Variants in PIGF observed in about 807,000 individuals in gnomAD.
The protein encoded by PIGF is phosphatidylinositol glycan anchor biosynthesis class F.
PIGF carries 23 observed loss-of-function variants against 26.0 expected under a neutral mutation model. The ratio of observed to expected loss-of-function variants is 0.88; its 90% CI spans 0.64 to 1.25. The LOEUF (loss-of-function observed/expected upper bound fraction) is 1.25, where lower values mean the gene tolerates loss of function less well. Among genes scored for constraint, PIGF ranks in the 50% most tolerant of loss-of-function variants. The pLI is 0.00. For missense variants in PIGF, 278 were observed against 249.9 expected (o/e 1.11, Z -0.76); for synonymous variants, 93 against 92.6 (o/e 1.00, Z -0.03).
At chr2:46,613,416 T>C (rs1218769324) in intron 3 of PIGF, among the ~76,000 whole-genome samples, 1 of 152,190 alleles carries the variant, frequency 6.6e-6, no homozygotes, top group East Asian at 1.9e-4. Flanking sequence ...TCAGAGGTTC[T>C]AAGGGCCAAA....
In PIGF at chr2:46,610,131, T is replaced by C. The variant is rs188287513; in HGVS notation, c.437+2097A>G. 7.9e-5 allele frequency among the ~76,000 whole-genome samples: 12 copies of C among 152,336 alleles called. No individual in the cohort carries two copies. In the South Asian group the frequency reaches 1.4e-3, roughly 18 times the overall value. ...ATTAAGTTCCCATCTTCTCTCTACA[T>C]GTCACTGATGAATTGTTTTAGTGTT... is the stretch of plus-strand genomic sequence containing the variant. On this transcript the variant is annotated intron_variant, in intron 4 of 5. Transcript: ENST00000281382.
At chr2:46,587,714 T>C (rs111616732) in intron 5 of PIGF, among the ~76,000 whole-genome samples, 5 of 152,196 alleles carry the variant, frequency 3.3e-5, no homozygotes, top group African/African-American at 1.2e-4. Flanking sequence ...TTTAAAGGCA[T>C]GTGTGGATTT....
intron 4 of PIGF, among the ~76,000 whole-genome samples, chr2:46,606,104 T>C (rs767196054): frequency 6.6e-6 from 1 of 152,166 alleles, no homozygotes; most frequent in Non-Finnish European, 1.5e-5. Flanking sequence ...CTACTTTCCA[T>C]AAGCAAGAAG....
intron 3 of PIGF, 61 bp downstream of exon 3, chr2:46,613,633 C>A: frequency 7.9e-7 from 1 of 1,258,508 alleles, no homozygotes; most frequent in Non-Finnish European, 1.1e-6. Flanking sequence ...TAAGAATTAG[C>A]ACACAGTTTG....
intron 4 of PIGF, among the ~76,000 whole-genome samples, chr2:46,610,293 T>A (rs1325987645): frequency 6.6e-6 from 1 of 152,106 alleles, no homozygotes; most frequent in African/African-American, 2.4e-5. Flanking sequence ...TTCCCCCAAA[T>A]ACACCCATTA....
At chr2:46,603,170 C>G (rs982526996) in intron 4 of PIGF, among the ~76,000 whole-genome samples, 19 of 151,850 alleles carry the variant, frequency 1.3e-4, no homozygotes, top group Non-Finnish European at 4.4e-5. Flanking sequence ...TGAAATATAT[C>G]TACAATGAAA....
intron 1 of PIGF, chr2:46,616,050 C>A (rs540885741): frequency 2.3e-5 from 1 of 43,300 alleles, no homozygotes; most frequent in East Asian, 2.7e-4. Context: ...CACACGCACA[C>A]GCGCGCGCGC....
At chr2:46,585,521 T>C (rs1558698782) in intron 5 of PIGF, among the ~76,000 whole-genome samples, 5 of 152,180 alleles carry the variant, frequency 3.3e-5, no homozygotes, top group Admixed American at 1.3e-4. Context: ...GGGACAGAAG[T>C]ACCTACTATA....
chr2:46,586,906 A>G (rs1669594061), intron 5 of PIGF, among the ~76,000 whole-genome samples: 1 of 152,248 alleles, frequency 6.6e-6, no homozygotes, highest in Admixed American at 6.5e-5. Context: ...GACTAAGAAT[A>G]CTACTTTAGG....
chr2:46,613,573 G>A (rs1402580376), intron 3 of PIGF, 121 bp downstream of exon 3: 1 of 646,724 alleles, frequency 1.5e-6, no homozygotes, highest in African/African-American at 1.9e-5. Flanking sequence ...TGATGTTGGT[G>A]TCCTTACTTG....
chr2:46,599,356 T>G (rs770638313), intron 4 of PIGF, among the ~76,000 whole-genome samples: 7 of 152,228 alleles, frequency 4.6e-5, no homozygotes, highest in Non-Finnish European at 8.8e-5. Flanking sequence ...TCCCTTCATT[T>G]GTGAAAACTG....
chr2:46,598,341 G>C (rs1669951899), intron 4 of PIGF, among the ~76,000 whole-genome samples: 1 of 151,690 alleles, frequency 6.6e-6, no homozygotes, highest in Admixed American at 6.6e-5. Flanking sequence ...TCAAATATCT[G>C]GTGATTCTTT....
At chr2:46,616,809 C>T (rs914994246) in intron 1 of PIGF, 161 bp downstream of exon 1, 29 of 195,540 alleles carry the variant, frequency 1.5e-4, no homozygotes, top group African/African-American at 6.7e-4. Flanking sequence ...AACTCGGATC[C>T]GAAAGGGGGT....
intron 2 of PIGF, 105 bp from the exon 3 acceptor site, chr2:46,613,890 A>C: frequency 1.1e-6 from 1 of 946,016 alleles, no homozygotes; most frequent in Non-Finnish European, 1.6e-6. Context: ...TGTGTAAAAC[A>C]GTTCAAATGT....
Position 46,616,984 on chromosome 2 carries a change from C to T in PIGF, c.-36G>A, listed in dbSNP as rs1324961988. 1 of 541,366 alleles carries T rather than the reference C, an allele frequency of 1.8e-6. No individual in the cohort carries two copies. Among genetic ancestry groups the T allele is most frequent in the Non-Finnish European group, 3.3e-6 (1 of 303,354 alleles). The allele number at this position is 541,366 out of a possible 1,614,324, so 33.5% of individuals were successfully genotyped here. ...GCGGGGCTTACCTAACTCTCCCTCC[C>T]GCGGAAGGGAAGCGGGGAACTACTG... On this transcript the variant is annotated 5_prime_UTR_variant, in exon 1 of 6. Coordinates refer to ENST00000281382, the MANE Select transcript of PIGF (RefSeq NM_002643.4).
chr2:46,615,295 T>C (rs1670577481), intron 1 of PIGF, 110 bp from the exon 2 acceptor site: 1 of 593,730 alleles, frequency 1.7e-6, no homozygotes, highest in Non-Finnish European at 3.0e-6. Flanking sequence ...ATGAGCAATG[T>C]ATTTGTTTCA....
chr2:46,612,323 T>C lies in PIGF; in HGVS notation c.342A>G (p.Leu114=). Reference sequence around the variant, plus strand: ...TAAAAGTAGACAAAATAACTGCAAATAAAAATGTTTCCAATGCCAACCTAG... The same window carrying C: ...TAAAAGTAGACAAAATAACTGCAAACAAAAATGTTTCCAATGCCAACCTAG... ...PLIELALETF[L]FAVILSTFTT... Residue 114 remains leucine (L), a synonymous_variant, in exon 4 of 6, where the codon TTA becomes TTG. Coordinates refer to ENST00000281382, the MANE Select transcript of PIGF (RefSeq NM_002643.4). 1.4e-6 allele frequency: 2 copies of C among 1,439,440 alleles called. No individual in the cohort carries two copies. The highest frequency in any genetic ancestry group is 2.5e-5 in the Admixed American group (1 of 39,892). The allele number at this position is 1,439,440 out of a possible 1,614,324, so 89.2% of individuals were successfully genotyped here.
chr2:46,616,044 C>A (rs1021656534), intron 1 of PIGF: 1 of 112,950 alleles, frequency 8.9e-6, no homozygotes, highest in East Asian at 2.0e-4. Flanking sequence ...TACACACACA[C>A]GCACACGCGC....
chr2:46,586,175 T>C (rs962081274), intron 5 of PIGF, among the ~76,000 whole-genome samples: 3 of 152,332 alleles, frequency 2.0e-5, no homozygotes, highest in Middle Eastern at 6.8e-3. Flanking sequence ...GTTAACCATC[T>C]GTATCCTTAC....
Sources: allele counts gnomAD v4.1 joint callset (sites outside exome capture counted in the v4.1 genomes callset), GRCh38; gene constraint gnomAD v4.1.1; transcripts MANE v1.5; gene names NCBI Gene and HGNC (gene_info 2026-07-23, HGNC 2026-07-21).